HELLS: variants seen among roughly 807,000 people sequenced by gnomAD.
The protein encoded by HELLS is lymphoid-specific helicase.
In HELLS, 32 loss-of-function variants were observed where a neutral mutation model predicts 120.0. The ratio of observed to expected loss-of-function variants is 0.27; its 90% CI spans 0.20 to 0.36. HELLS has a LOEUF of 0.36. HELLS is among the 10% of genes least tolerant of loss of function. The probability of loss-of-function intolerance (pLI) is 1.00; values close to 1 mark genes in which losing one functional copy is unlikely to be tolerated. For synonymous variants in HELLS, 341 were observed against 323.4 expected (o/e 1.05, Z -0.58); for missense variants, 650 against 993.4 (o/e 0.65, Z 4.65).
intron 2 of HELLS, among the ~76,000 whole-genome samples, chr10:94,549,548 G>A (rs1842887003): frequency 6.6e-6 from 1 of 152,148 alleles, no homozygotes. Flanking sequence ...TTCTTGGAGA[G>A]GTAAAAGGAT....
intron 21 of HELLS, among the ~76,000 whole-genome samples, chr10:94,599,376 C>T (rs981745365): frequency 7.9e-5 from 12 of 152,108 alleles, no homozygotes; most frequent in African/African-American, 2.4e-4. Context: ...TTATTTGAGA[C>T]AAAGTCTCGT....
intron 3 of HELLS, among the ~76,000 whole-genome samples, chr10:94,557,437 T>A (rs984286044): frequency 2.0e-5 from 3 of 152,212 alleles, no homozygotes; most frequent in Non-Finnish European, 4.4e-5. Flanking sequence ...TTGGTGTCTT[T>A]AAAAAATTTG....
intron 3 of HELLS, among the ~76,000 whole-genome samples, chr10:94,557,415 T>C (rs1843324915): frequency 6.6e-6 from 1 of 152,186 alleles, no homozygotes; most frequent in Admixed American, 6.5e-5. Flanking sequence ...CTCTTGGAAA[T>C]GGTTTGAATT....
Position 94,574,666 on chromosome 10 carries a change from C to G in HELLS, c.818C>G (p.Pro273Arg). Reference protein sequence around the residue: ...ALMIQRGVPGPFLVCGPLSTL... With the variant: ...ALMIQRGVPGRFLVCGPLSTL... ...ATGATTCAGAGAGGAGTACCAGGAC[C>G]TTTTCTTGTCTGTGGCCCTTTGTCT... is the stretch of plus-strand genomic sequence containing the variant. Residue 273 changes from proline to arginine, a missense_variant, in exon 9 of 22, where the codon CCT (proline) becomes CGT (arginine). Pro to Arg is a moderately radical substitution (Grantham distance 103, BLOSUM62 -2). Coordinates refer to ENST00000348459, the MANE Select transcript of HELLS (RefSeq NM_018063.5). 6.2e-7 allele frequency: 1 copy of G among 1,613,836 alleles called. No homozygotes were observed. Among genetic ancestry groups the G allele is most frequent in the Non-Finnish European group, 8.5e-7 (1 of 1,179,862 alleles).
Position 94,562,714 on chromosome 10 carries a change from T to G in HELLS, c.357T>G (p.Ser119Arg). The change falls in exon 5 of 22, where the codon AGT becomes AGG. Residue 119 changes from serine (S) to arginine (R), a missense_variant. By Grantham distance (110) the Ser-to-Arg change is moderately radical. Around this residue, in one of 9 missense-constraint regions of HELLS, gnomAD observed 113 missense variants for 120.7 expected, o/e 0.94. Transcript: ENST00000348459. ...AGGGTAAAAATTCAATTGATGCAAG[T>G]GAAGAGAAGCCAGGTAAATATCCTT... ...VKKGKNSIDA[S>R]EEKPVMRKKR... The G allele has an allele frequency of 6.3e-7, 1 of 1,590,170 alleles. No homozygotes were observed. The highest frequency in any genetic ancestry group is 8.6e-7 in the Non-Finnish European group (1 of 1,164,088).
intron 12 of HELLS, chr10:94,583,898 T>C (rs1844995523): frequency 4.8e-6 from 2 of 417,540 alleles, no homozygotes; most frequent in Non-Finnish European, 4.2e-6. Context: ...ATCTATCTCT[T>C]CCTCTTTTCA....
chr10:94,554,654 T>TG (rs1399483911), intron 3 of HELLS, among the ~76,000 whole-genome samples: 4 of 141,776 alleles, frequency 2.8e-5, no homozygotes, highest in African/African-American at 1.0e-4. Flanking sequence ...GTTTTTTTTT[T>TG]TGTTTTTTTT....
intron 4 of HELLS, among the ~76,000 whole-genome samples, chr10:94,561,880 A>T (rs1843572012): frequency 6.6e-6 from 1 of 151,920 alleles, no homozygotes; most frequent in African/African-American, 2.4e-5. Flanking sequence ...TTCATTCACA[A>T]TGAATATTCC....
intron 9 of HELLS, among the ~76,000 whole-genome samples, chr10:94,575,222 C>G (rs1564596556): frequency 6.6e-6 from 1 of 151,128 alleles, no homozygotes; most frequent in Non-Finnish European, 1.5e-5. Flanking sequence ...GCCTGAGCCA[C>G]CGGAGTAGCT....
At chr10:94,585,485 G>A (rs1455091499) in intron 12 of HELLS, among the ~76,000 whole-genome samples, 2 of 148,536 alleles carry the variant, frequency 1.3e-5, no homozygotes, top group Admixed American at 6.8e-5. Context: ...AGGTTCAAGC[G>A]ATTTTCCTGC....
At chr10:94,554,560 T>C (rs1220576851) in intron 3 of HELLS, among the ~76,000 whole-genome samples, 1 of 152,138 alleles carries the variant, frequency 6.6e-6, no homozygotes, top group East Asian at 1.9e-4. Context: ...ATCATGGTAT[T>C]GTGCTAGTGA....
exon 10 of HELLS, chr10:94,610,748 C>G (rs1279847096): frequency 6.6e-6 from 1 of 152,148 alleles, no homozygotes; most frequent in African/African-American, 2.4e-5. Flanking sequence ...ACTACCATTC[C>G]CAGAATTTTT....
chr10:94,582,144 T>G (rs1424607514), intron 11 of HELLS, among the ~76,000 whole-genome samples: 1 of 152,190 alleles, frequency 6.6e-6, no homozygotes, highest in Non-Finnish European at 1.5e-5. Flanking sequence ...TTTATACTTG[T>G]TTTGGCATCA....
At chr10:94,596,704 C>T (rs1564618298) in intron 19 of HELLS, among the ~76,000 whole-genome samples, 156 bp from the exon 20 acceptor site, 1 of 152,152 alleles carries the variant, frequency 6.6e-6, no homozygotes, top group Non-Finnish European at 1.5e-5. Flanking sequence ...TTTTCCAGTC[C>T]TACCAGCGAA....
intron 6 of HELLS, chr10:94,571,117 T>C (rs1461954079): frequency 3.8e-6 from 1 of 266,604 alleles, no homozygotes; most frequent in East Asian, 1.0e-4. Flanking sequence ...GTACTTAATC[T>C]ACTCAGATTA....
At chr10:94,585,789 A>G (rs1845113366) in intron 12 of HELLS, among the ~76,000 whole-genome samples, 1 of 151,318 alleles carries the variant, frequency 6.6e-6, no homozygotes, top group Middle Eastern at 3.4e-3. Flanking sequence ...GCAGCCTCCA[A>G]CTCATACTCC....
chr10:94,595,976 G>T (rs1209899198), intron 19 of HELLS, among the ~76,000 whole-genome samples: 2 of 152,144 alleles, frequency 1.3e-5, no homozygotes, highest in Non-Finnish European at 2.9e-5. Context: ...ATTGGAACTT[G>T]CATTGGGGAA....
At chr10:94,567,942 G>A (rs1390048341) in intron 6 of HELLS, among the ~76,000 whole-genome samples, 2 of 136,116 alleles carry the variant, frequency 1.5e-5, no homozygotes, top group African/African-American at 5.7e-5. Context: ...AGAGAGTCTC[G>A]CTCTGTCGCC....
At chr10:94,550,403 C>CT (rs1239870616) in intron 2 of HELLS, among the ~76,000 whole-genome samples, 4 of 151,968 alleles carry the variant, frequency 2.6e-5, no homozygotes, top group African/African-American at 9.7e-5. Flanking sequence ...CTCAGCCTCC[C>CT]AAGTAGCTAG....
Sources: allele counts gnomAD v4.1 joint callset (sites outside exome capture counted in the v4.1 genomes callset), GRCh38; gene constraint gnomAD v4.1.1; regional missense constraint gnomAD v4.1.1; transcripts MANE v1.5; gene names NCBI Gene and HGNC (gene_info 2026-07-23, HGNC 2026-07-21).